NEK4: variants seen among roughly 807,000 people sequenced by gnomAD.
NEK4 encodes the protein NIMA related kinase 4.
Under a neutral mutation model 98.4 loss-of-function variants are expected in NEK4, and 86 were observed. That is an observed-to-expected ratio of 0.87 (90% CI 0.73 to 1.05). NEK4 has a LOEUF of 1.05. Ranked by LOEUF, NEK4 falls within the 50% of genes least tolerant of loss-of-function variation. The pLI is 0.00. For synonymous variants in NEK4, 328 were observed against 342.2 expected (o/e 0.96, Z 0.46); for missense variants, 898 against 950.3 (o/e 0.94, Z 0.72).
At chr3:52,726,059 G>C (rs1368775369) in intron 15 of NEK4, among the ~76,000 whole-genome samples, 1 of 151,864 alleles carries the variant, frequency 6.6e-6, no homozygotes, top group Non-Finnish European at 1.5e-5. Flanking sequence ...AGGAGATTAG[G>C]GATGGCCTTA....
At chr3:52,744,366 A>C in intron 10 of NEK4, 61 bp from the exon 11 acceptor site, 5 of 1,194,492 alleles carry the variant, frequency 4.2e-6, no homozygotes, top group South Asian at 1.2e-5. Context: ...AACACCTACA[A>C]TCCATGATGT....
chr3:52,728,297 G>A (rs1395337778), intron 15 of NEK4, among the ~76,000 whole-genome samples: 2 of 152,186 alleles, frequency 1.3e-5, no homozygotes, highest in Non-Finnish European at 2.9e-5. Context: ...GATCACTTGA[G>A]CCTTAGAGGT....
intron 10 of NEK4, 60 bp from the exon 11 acceptor site, chr3:52,744,365 A>G: frequency 8.2e-7 from 1 of 1,216,900 alleles, no homozygotes; most frequent in Non-Finnish European, 1.2e-6. Flanking sequence ...TAACACCTAC[A>G]ATCCATGATG....
At chr3:52,731,489 G>C (rs999547177) in intron 15 of NEK4, among the ~76,000 whole-genome samples, 1 of 152,230 alleles carries the variant, frequency 6.6e-6, no homozygotes, top group Non-Finnish European at 1.5e-5. Context: ...GAATAGAAAT[G>C]AGAGTCCAGA....
chr3:52,756,248 T>C (rs1485993569), intron 6 of NEK4, among the ~76,000 whole-genome samples: 4 of 152,240 alleles, frequency 2.6e-5, no homozygotes, highest in South Asian at 2.1e-4. Context: ...GAAAAATCCA[T>C]CCTAAAATTC....
rs1049984213 is a variant in NEK4, at chr3:52,746,804, C to T, written c.1607G>A (p.Arg536Gln). ...AGTCTGTTCTCTCCTCTTTTGCCGT[C>T]GCTGTCGAGACAGGGAAGGTTCAGA... ...SGSEPSLSRQ[R>Q]RQKRREQTEH... The change falls in exon 9 of 16, where the codon CGA (arginine) becomes CAA (glutamine). Residue 536 changes from arginine to glutamine, a missense_variant. By Grantham distance (43) the Arg-to-Gln change is conservative (BLOSUM62 1). Coordinates refer to ENST00000233027, the MANE Select transcript of NEK4 (RefSeq NM_003157.6). The T allele has an allele frequency of 2.5e-6, 4 of 1,614,020 alleles. No homozygotes were observed. The African/African-American group carries it at 4.0e-5, about 16-fold the overall frequency.
intron 6 of NEK4, among the ~76,000 whole-genome samples, chr3:52,759,330 G>A (rs929123695): frequency 6.6e-5 from 10 of 151,994 alleles, no homozygotes; most frequent in African/African-American, 2.2e-4. Context: ...GATCCAGAGA[G>A]GTGGAGGCTA....
rs761274201 is a variant in NEK4, at chr3:52,752,066, G to A, written c.1234C>T (p.Gln412Ter). 1.2e-6 allele frequency: 2 copies of A among 1,614,206 alleles called. No homozygotes were observed. The highest frequency in any genetic ancestry group is 4.5e-5 in the East Asian group (2 of 44,886). Residue 412 changes from glutamine (Q) to a stop codon, truncating the protein, a stop_gained, in exon 7 of 16, where the codon CAG (glutamine) becomes TAG (stop). Transcript: ENST00000233027. LOFTEE classifies it high-confidence loss of function. ...TGGGCACTGGATTTAGTGTTGTCCT[G>A]CAGCATCTCCTCTTCCACTTGAGAA... ...SISQVEEEML[Q>*]DNTKSSAQPE...
At chr3:52,721,623 C>A (rs1323868667) in intron 15 of NEK4, among the ~76,000 whole-genome samples, 1 of 151,628 alleles carries the variant, frequency 6.6e-6, no homozygotes, top group Non-Finnish European at 1.5e-5. Context: ...ATTGTCCAAG[C>A]TACTAAGGAG....
intron 7 of NEK4, among the ~76,000 whole-genome samples, chr3:52,750,400 C>T (rs6787154): frequency 0.46 from 69,304 of 151,656 alleles, 16,152 homozygotes; most frequent in African/African-American, 0.52. Flanking sequence ...ATACTAAAAT[C>T]AGCTGGGCAT....
Position 52,716,139 on chromosome 3 carries a change from C to T in NEK4, c.2434-4270G>A, listed in dbSNP as rs1311414310. Among the ~76,000 whole-genome samples, 4 of 152,234 alleles carry T rather than the reference C, an allele frequency of 2.6e-5. No individual in the cohort carries two copies. The East Asian group carries it at 7.7e-4, about 29-fold the overall frequency. On this transcript the variant is annotated intron_variant, in intron 15 of 15. Transcript: ENST00000233027. The stretch of plus-strand genomic sequence containing the variant: ...GCTGGACCCCATGCTCACTCCCACA[C>T]CCCTCGCCGCTCCATGCCTGACTCT...
intron 6 of NEK4, chr3:52,754,157 G>A (rs553731034): frequency 7.5e-5 from 20 of 265,432 alleles, no homozygotes; most frequent in African/African-American, 2.0e-4. Flanking sequence ...GCGAGACTCC[G>A]TCTCAAAAAC....
At chr3:52,754,496 G>C (rs2097411253) in intron 6 of NEK4, 2 of 847,736 alleles carry the variant, frequency 2.4e-6, no homozygotes, top group Admixed American at 3.6e-5. Flanking sequence ...TCGTCTGTCT[G>C]ACCAATTTAA....
At chr3:52,758,899 GCAA>G (rs1698235193) in intron 6 of NEK4, among the ~76,000 whole-genome samples, 1 of 151,944 alleles carries the variant, frequency 6.6e-6, no homozygotes, top group Non-Finnish European at 1.5e-5. Flanking sequence ...ACCAGCCTGA[GCAA>G]CATAGTGAGA....
Position 52,746,851 on chromosome 3 carries a change from A to G in NEK4, c.1560T>C (p.Asp520=), listed in dbSNP as rs1561313163. 1 of 1,613,984 alleles carries G rather than the reference A, an allele frequency of 6.2e-7. No individual in the cohort carries two copies. The highest frequency in any genetic ancestry group is 8.5e-7 in the Non-Finnish European group (1 of 1,179,878). The change falls in exon 9 of 16, where the codon GAT becomes GAC. Residue 520 remains aspartate, a synonymous_variant. Coordinates refer to ENST00000233027, the MANE Select transcript of NEK4 (RefSeq NM_003157.6). ...IIEKQGRIHP[D]LQPHNSGSEP... ...CAGACCCAGAGTTGTGTGGCTGTAA[A>G]TCTGGGTGGATTCTGCCCTGTTTTT...
chr3:52,758,040 G>T (rs895087040), intron 6 of NEK4, among the ~76,000 whole-genome samples: 1 of 151,980 alleles, frequency 6.6e-6, no homozygotes, highest in African/African-American at 2.4e-5. Flanking sequence ...TTAGCCAGAT[G>T]TTGTGGCGTG....
intron 5 of NEK4, among the ~76,000 whole-genome samples, chr3:52,762,103 A>T (rs536436644): frequency 6.6e-6 from 1 of 152,334 alleles, no homozygotes; most frequent in South Asian, 2.1e-4. Flanking sequence ...ACATGCCACA[A>T]GGCAAGAGGA....
intron 15 of NEK4, among the ~76,000 whole-genome samples, chr3:52,724,463 G>A (rs1471748811): frequency 5.3e-5 from 8 of 152,138 alleles, no homozygotes; most frequent in Non-Finnish European, 5.9e-5. Flanking sequence ...CCCTTCAAAA[G>A]TGAGGGAGAA....
At chr3:52,741,560 G>C in intron 12 of NEK4, 61 bp from the exon 13 acceptor site, 1 of 1,048,172 alleles carries the variant, frequency 9.5e-7, no homozygotes, top group Non-Finnish European at 1.5e-6. Context: ...TGTGATACTT[G>C]AACCAGTCTT....
Sources: gnomAD v4.1 joint callset for allele counts (sites outside exome capture counted in the v4.1 genomes callset) on GRCh38, gnomAD v4.1.1 for gene constraint, MANE v1.5 for transcripts, NCBI Gene and HGNC (gene_info 2026-07-23, HGNC 2026-07-21) for gene names.